The following FAM107B variants were observed in gnomAD, a reference collection of about 807,000 sequenced individuals.
The protein encoded by FAM107B is protein FAM107B.
A neutral mutation model predicts 31.5 loss-of-function variants in FAM107B; 21 were observed. The observed-to-expected ratio is 0.67, with a 90% confidence interval of 0.47 to 0.96. FAM107B has a LOEUF of 0.96. Ranked by LOEUF, FAM107B falls within the 40% of genes least tolerant of loss-of-function variation. The pLI is 0.00. For missense variants in FAM107B, 452 were observed against 377.1 expected, an observed-to-expected ratio of 1.20 and a Z score of -1.64; for synonymous variants, 157 against 141.5, an observed-to-expected ratio of 1.11 and a Z score of -0.78.
At chr10:14,691,415 C>G (rs1366715103) in intron 1 of FAM107B, among the ~76,000 whole-genome samples, 1 of 152,232 alleles carries the variant, frequency 6.6e-6, no homozygotes, top group Non-Finnish European at 1.5e-5. Flanking sequence ...GCGGGCCAAG[C>G]TCCCTCGCCC....
In FAM107B at chr10:14,625,868, T is replaced by TAAAA. The variant is rs58736805; in HGVS notation, c.469+41762_469+41765dup. The stretch of plus-strand genomic sequence containing the variant: ...GACCTCCATGCAGCTGCTCATGGAT[T>TAAAA]AAAAAAAAAAAAGCTAATTTCAACA... On this transcript the variant is annotated intron_variant, in intron 2 of 4. Transcript: ENST00000181796. 5.1e-4 allele frequency among the ~76,000 whole-genome samples: 56 copies of TAAAA among 108,892 alleles called. 7 individuals are homozygous for TAAAA. Among genetic ancestry groups the TAAAA allele is most frequent in the Admixed American group, 8.8e-4 (8 of 9,118 alleles). 71.4% of individuals were successfully genotyped at this position (108,892 alleles called of 152,430 possible). A position where few individuals can be genotyped will look rare whatever the true frequency, so the allele number is the denominator to read the frequency against.
chr10:14,755,203 T>C (rs1832904054), intron 1 of FAM107B, among the ~76,000 whole-genome samples: 1 of 152,130 alleles, frequency 6.6e-6, no homozygotes, highest in South Asian at 2.1e-4. Context: ...AAACTTAAAA[T>C]AATTCAAGGG....
At chr10:14,565,653 G>C (rs570526321) in intron 2 of FAM107B, among the ~76,000 whole-genome samples, 1 of 152,288 alleles carries the variant, frequency 6.6e-6, no homozygotes, top group Admixed American at 6.5e-5. Flanking sequence ...TGGATACGTA[G>C]ATATGACAGC....
chr10:14,585,452 C>A (rs1851792006), intron 2 of FAM107B, among the ~76,000 whole-genome samples: 1 of 152,190 alleles, frequency 6.6e-6, no homozygotes, highest in South Asian at 2.1e-4. Context: ...GTCCCTGCCA[C>A]CAAGCCTTTA....
At chr10:14,532,619 G>C (rs1474103159) in intron 2 of FAM107B, 1 of 152,164 alleles carries the variant, frequency 6.6e-6, no homozygotes, top group East Asian at 1.9e-4. Context: ...ACCCATCACA[G>C]CCAGCCTGAT....
chr10:14,566,351 G>C (rs1317237001), intron 2 of FAM107B, among the ~76,000 whole-genome samples: 2 of 152,202 alleles, frequency 1.3e-5, no homozygotes, highest in Admixed American at 1.3e-4. Context: ...CTCCTGTGAA[G>C]CCATCATGCT....
intron 1 of FAM107B, among the ~76,000 whole-genome samples, chr10:14,702,311 A>G (rs1253695007): frequency 3.3e-5 from 5 of 152,208 alleles, no homozygotes; most frequent in African/African-American, 9.6e-5. Context: ...GCTCCTTTTC[A>G]TAAAGTTTTT....
chr10:14,635,825 T>C (rs929069201), intron 2 of FAM107B, among the ~76,000 whole-genome samples: 4 of 151,706 alleles, frequency 2.6e-5, no homozygotes, highest in Admixed American at 6.6e-5. Flanking sequence ...AGAGGCGGGG[T>C]TTCACTATGT....
intron 3 of FAM107B, among the ~76,000 whole-genome samples, chr10:14,529,158 C>CT (rs1366159935): frequency 4.6e-5 from 7 of 152,186 alleles, no homozygotes; most frequent in African/African-American, 1.7e-4. Context: ...ATTCTGTGGT[C>CT]TATTTTAGGA....
chr10:14,573,269 T>C (rs1257899584), intron 2 of FAM107B, among the ~76,000 whole-genome samples: 2 of 152,144 alleles, frequency 1.3e-5, no homozygotes, highest in Non-Finnish European at 2.9e-5. Flanking sequence ...CTCCACCTCA[T>C]GAATGGATTA....
At chr10:14,555,487 T>A (rs1336223681) in intron 2 of FAM107B, among the ~76,000 whole-genome samples, 1 of 152,216 alleles carries the variant, frequency 6.6e-6, no homozygotes, top group Non-Finnish European at 1.5e-5. Context: ...TTCTAAACAT[T>A]TTACTTCTGT....
At chr10:14,584,426 G>A (rs2131318056) in intron 2 of FAM107B, among the ~76,000 whole-genome samples, 1 of 152,306 alleles carries the variant, frequency 6.6e-6, no homozygotes, top group Non-Finnish European at 1.5e-5. Context: ...ATGGCCCTCG[G>A]CACTCAGAGT....
At chr10:14,673,182 A>G (rs1854600708) in intron 1 of FAM107B, among the ~76,000 whole-genome samples, 1 of 152,192 alleles carries the variant, frequency 6.6e-6, no homozygotes, top group African/African-American at 2.4e-5. Flanking sequence ...TATACAATAA[A>G]TTATTGTTAA....
In FAM107B at chr10:14,753,949, T is replaced by C. The variant is rs565457991; in HGVS notation, c.411+20304A>G. On this transcript the variant is annotated intron_variant, in intron 1 of 4. Transcript: ENST00000181796. ...ATGAAAAGTCTTTTTTTTCTTTTTT[T>C]TTTTTTTTTGAGACAAAGTCTTGCT... 1.7e-4 allele frequency among the ~76,000 whole-genome samples: 25 copies of C among 151,262 alleles called. No homozygotes were observed. The East Asian group carries it at 4.6e-3, about 28-fold the overall frequency.
chr10:14,705,276 G>A (rs1424704982), intron 1 of FAM107B, among the ~76,000 whole-genome samples: 1 of 152,128 alleles, frequency 6.6e-6, no homozygotes, highest in African/African-American at 2.4e-5. Context: ...AACTGTAATG[G>A]TGCAGGTGCT....
At chr10:14,521,799 C>T in intron 4 of FAM107B, 70 bp downstream of exon 4, 1 of 1,569,096 alleles carries the variant, frequency 6.4e-7, no homozygotes, top group African/African-American at 1.4e-5. Flanking sequence ...GTAAATCCTG[C>T]CCGCTCCAAC....
intron 1 of FAM107B, among the ~76,000 whole-genome samples, chr10:14,740,992 C>T (rs891124051): frequency 1.3e-5 from 2 of 152,096 alleles, no homozygotes; most frequent in African/African-American, 4.8e-5. Flanking sequence ...GGCCAGGAAA[C>T]GATGTGTGAA....
intron 1 of FAM107B, among the ~76,000 whole-genome samples, chr10:14,764,342 G>C (rs1204964044): frequency 6.6e-6 from 1 of 152,148 alleles, no homozygotes; most frequent in Non-Finnish European, 1.5e-5. Context: ...TTCTCCTTTA[G>C]GATGGGCAAT....
At chr10:14,738,917 A>T (rs1856371893) in intron 1 of FAM107B, among the ~76,000 whole-genome samples, 1 of 152,142 alleles carries the variant, frequency 6.6e-6, no homozygotes, top group African/African-American at 2.4e-5. Context: ...GTGGGTCAGG[A>T]ATTTGGAAAG....
Sources: allele counts gnomAD v4.1 joint callset (sites outside exome capture counted in the v4.1 genomes callset), GRCh38; gene constraint gnomAD v4.1.1; transcripts MANE v1.5; gene names NCBI Gene and HGNC (gene_info 2026-07-23, HGNC 2026-07-21).